XPR1: variants seen among roughly 807,000 people sequenced by gnomAD.
The protein encoded by XPR1 is xenotropic and polytropic retrovirus receptor 1.
In XPR1, 28 loss-of-function variants were observed where a neutral mutation model predicts 87.5. The observed-to-expected ratio is 0.32, with a 90% CI of 0.24 to 0.44. The LOEUF (loss-of-function observed/expected upper bound fraction) is 0.44. XPR1 is among the 20% of genes least tolerant of loss of function. The probability of loss-of-function intolerance (pLI) is 1.00; values close to 1 mark genes in which losing one functional copy is unlikely to be tolerated. For synonymous variants in XPR1, 300 were observed against 306.1 expected, an observed-to-expected ratio of 0.98 and a Z score of 0.21; for missense variants, 559 against 862.3, an observed-to-expected ratio of 0.65 and a Z score of 4.41.
intron 2 of XPR1, among the ~76,000 whole-genome samples, chr1:180,726,379 G>C (rs1398600298): frequency 1.3e-5 from 2 of 152,130 alleles, no homozygotes; most frequent in Admixed American, 1.3e-4. Flanking sequence ...AAATCTTGCT[G>C]CTGCTCACTC....
chr1:180,747,171 C>T (rs1647289099), intron 2 of XPR1, among the ~76,000 whole-genome samples: 3 of 152,142 alleles, frequency 2.0e-5, no homozygotes, highest in Admixed American at 2.0e-4. Flanking sequence ...AAGTGTTATT[C>T]AGTTTCATTG....
intron 7 of XPR1, 25 bp downstream of exon 7, chr1:180,811,513 A>C (rs762018061): frequency 6.3e-7 from 1 of 1,579,112 alleles, no homozygotes. Flanking sequence ...TTTTGAATTA[A>C]TTTATTCTTA....
chr1:180,789,510 G>A (rs1649299810), intron 3 of XPR1, among the ~76,000 whole-genome samples: 1 of 152,014 alleles, frequency 6.6e-6, no homozygotes, highest in South Asian at 2.1e-4. Context: ...CAGAGCTCTA[G>A]TTTCTTGACT....
At chr1:180,872,930 G>A (rs1168563046) in intron 12 of XPR1, among the ~76,000 whole-genome samples, 1 of 151,538 alleles carries the variant, frequency 6.6e-6, no homozygotes, top group East Asian at 1.9e-4. Context: ...TCGGTCTCTA[G>A]GGATGGAAAG....
At chr1:180,666,150 GTTTAAC>G (rs1371511180) in intron 1 of XPR1, among the ~76,000 whole-genome samples, 1 of 152,158 alleles carries the variant, frequency 6.6e-6, no homozygotes, top group Non-Finnish European at 1.5e-5. Flanking sequence ...TATTCCACTG[GTTTAAC>G]TTTATGTCAG....
At chr1:180,879,526 T>C (rs1652777003) in intron 13 of XPR1, among the ~76,000 whole-genome samples, 1 of 152,172 alleles carries the variant, frequency 6.6e-6, no homozygotes, top group South Asian at 2.1e-4. Context: ...ACTTGCCATT[T>C]TCCTCTGCCT....
Position 180,890,192 on chromosome 1 carries a change from T to A in XPR1, c.*6126T>A, listed in dbSNP as rs2102238145. 1 of 152,294 alleles carries A rather than the reference T, an allele frequency of 6.6e-6. No individual in the cohort carries two copies. The highest frequency in any genetic ancestry group is 1.9e-4 in the East Asian group (1 of 5,192). 9.4% of individuals were successfully genotyped at this position (152,294 alleles called of 1,614,324 possible). On this transcript the variant is annotated 3_prime_UTR_variant, in exon 15 of 15. Coordinates refer to ENST00000367590, the MANE Select transcript of XPR1 (RefSeq NM_004736.4). ...GTTATGTGTTTTTAAAGAAAATAAG[T>A]GATTGGTCACTAAACTCTGTCCTTT...
chr1:180,883,736 A>G (rs1242352123), intron 14 of XPR1, among the ~76,000 whole-genome samples: 1 of 150,340 alleles, frequency 6.7e-6, no homozygotes. Flanking sequence ...CAAAGTCAGT[A>G]CTCAAACCCA....
chr1:180,834,734 C>T, intron 9 of XPR1, 140 bp from the exon 10 acceptor site: 3 of 900,830 alleles, frequency 3.3e-6, no homozygotes, highest in Non-Finnish European at 4.8e-6. Flanking sequence ...CCACTGTTGC[C>T]AGGTCTCTGT....
At chr1:180,654,630 T>C (rs1655395303) in intron 1 of XPR1, among the ~76,000 whole-genome samples, 1 of 152,194 alleles carries the variant, frequency 6.6e-6, no homozygotes, top group Non-Finnish European at 1.5e-5. Context: ...TGATTTTGAC[T>C]GCTCTAAGTA....
At chr1:180,632,486 C>T (rs148670967) in intron 1 of XPR1, among the ~76,000 whole-genome samples, 3 of 152,086 alleles carry the variant, frequency 2.0e-5, no homozygotes, top group Non-Finnish European at 4.4e-5. Context: ...GCCGGGGTAA[C>T]GGATATGCAG....
At chr1:180,778,918 A>G (rs1648834236) in intron 2 of XPR1, among the ~76,000 whole-genome samples, 1 of 152,200 alleles carries the variant, frequency 6.6e-6, no homozygotes, top group Non-Finnish European at 1.5e-5. Context: ...CACTTAGAAT[A>G]GAGTTCAAAC....
chr1:180,768,098 C>A (rs1648362893), intron 2 of XPR1, among the ~76,000 whole-genome samples: 1 of 152,186 alleles, frequency 6.6e-6, no homozygotes, highest in Non-Finnish European at 1.5e-5. Context: ...CCCGCCTCGG[C>A]CTCCCAACGT....
chr1:180,766,183 C>T (rs1648277945), intron 2 of XPR1, among the ~76,000 whole-genome samples: 1 of 152,126 alleles, frequency 6.6e-6, no homozygotes, highest in Non-Finnish European at 1.5e-5. Flanking sequence ...GTAATATAGA[C>T]ATACCCTAAT....
At chr1:180,853,798 T>TTTG (rs111906252) in intron 11 of XPR1, among the ~76,000 whole-genome samples, 2,174 of 150,208 alleles carry the variant, frequency 0.014, 55 homozygotes, top group African/African-American at 0.05. Context: ...GTGGTTTTTT[T>TTTG]TTTTTTTTTT....
Position 180,664,094 on chromosome 1 carries a change from T to C in XPR1, c.70-18266T>C, listed in dbSNP as rs185918605. On this transcript the variant is annotated intron_variant, in intron 1 of 14. Coordinates refer to ENST00000367590, the MANE Select transcript of XPR1 (RefSeq NM_004736.4). ...GCTGTCTAAGAGCCAAGACTTGGTA[T>C]TGGGGACCCCAAAAGCCTGCTTAGT... Among the ~76,000 whole-genome samples the C allele has an allele frequency of 7.5e-3, 1,136 of 152,286 alleles. 11 individuals are homozygous for C. The highest frequency in any genetic ancestry group is 9.5e-3 in the Non-Finnish European group (649 of 68,030).
intron 2 of XPR1, among the ~76,000 whole-genome samples, chr1:180,744,151 T>TTC (rs1444193996): frequency 6.6e-6 from 1 of 152,208 alleles, no homozygotes; most frequent in African/African-American, 2.4e-5. Flanking sequence ...ATCCTCCCTC[T>TTC]TCCTCTCCCC....
intron 2 of XPR1, among the ~76,000 whole-genome samples, chr1:180,733,468 A>G (rs1658625460): frequency 6.6e-6 from 1 of 152,214 alleles, no homozygotes. Context: ...TATATTTGGT[A>G]GATACAGAGG....
At chr1:180,667,852 A>G (rs372186983) in intron 1 of XPR1, among the ~76,000 whole-genome samples, 1 of 152,174 alleles carries the variant, frequency 6.6e-6, no homozygotes, top group African/African-American at 2.4e-5. Flanking sequence ...TTTCATCTGG[A>G]TTATCCAATT....
Sources: allele counts gnomAD v4.1 joint callset (sites outside exome capture counted in the v4.1 genomes callset), GRCh38; gene constraint gnomAD v4.1.1; transcripts MANE v1.5; gene names NCBI Gene and HGNC (gene_info 2026-07-23, HGNC 2026-07-21).